The following RBL2 variants were observed in gnomAD, a reference collection of about 807,000 sequenced individuals.
RBL2 encodes the protein retinoblastoma-like protein 2.
RBL2 carries 56 observed loss-of-function variants against 126.0 expected under a neutral mutation model. The ratio of observed to expected loss-of-function variants is 0.44; its 90% CI spans 0.36 to 0.56. The LOEUF is 0.56. Ranked by LOEUF, RBL2 falls within the 20% of genes least tolerant of loss-of-function variation. RBL2 has a pLI of 0.00. For synonymous variants in RBL2, 454 were observed against 478.5 expected (o/e 0.95, Z 0.67); for missense variants, 1,229 against 1,398.2 (o/e 0.88, Z 1.93).
chr16:53,449,958 C>CTT (rs764078451), intron 4 of RBL2, among the ~76,000 whole-genome samples: 1,268 of 109,670 alleles, frequency 0.012, 42 homozygotes, highest in Middle Eastern at 0.027. Context: ...ACAGTACTGC[C>CTT]TTTTTTTTTT....
Position 53,470,191 on chromosome 16 carries a change from G to C in RBL2, c.2245+6G>C. 6.3e-7 allele frequency: 1 copy of C among 1,598,376 alleles called. No homozygotes were observed. Among genetic ancestry groups the C allele is most frequent in the Non-Finnish European group, 8.6e-7 (1 of 1,168,954 alleles). Reference sequence around the variant, plus strand: ...GGTAACCATTCCTGTGCAAGGTAAGGAAGGCAGAGTTGGATATTGAGTTCC... The same window carrying C: ...GGTAACCATTCCTGTGCAAGGTAAGCAAGGCAGAGTTGGATATTGAGTTCC... On this transcript the variant is annotated splice_donor_region_variant and intron_variant, in intron 15 of 21. Transcript: ENST00000262133.
At position 53,462,617 on chromosome 16, in the gene RBL2, G is replaced by C. The variant is rs1284246069; in HGVS notation, c.1522G>C (p.Glu508Gln). 1 of 1,572,302 alleles carries C rather than the reference G, an allele frequency of 6.4e-7. No homozygotes were observed. The highest frequency in any genetic ancestry group is 1.4e-5 in the African/African-American group (1 of 71,612). ...CTATAAAGTATTAGAATCTGTTATTGAGCAGGAACAAAAAAGACTAGGAGA... is the reference window on the plus strand; with the variant it reads ...CTATAAAGTATTAGAATCTGTTATTCAGCAGGAACAAAAAAGACTAGGAGA... ...LYYKVLESVI[E>Q]QEQKRLGDMD... The change falls in exon 11 of 22, where the codon GAG becomes CAG. Residue 508 changes from glutamate (E) to glutamine (Q), a missense_variant. This residue lies in a region of RBL2 where 1,070 missense variants were observed against 1,274.3 expected (regional missense o/e 0.84). Transcript: ENST00000262133.
intron 21 of RBL2, among the ~76,000 whole-genome samples, chr16:53,487,276 G>T (rs189582009): frequency 7.9e-5 from 12 of 152,328 alleles, no homozygotes; most frequent in African/African-American, 2.6e-4. Context: ...CACTAATTAT[G>T]AAGGTACACA....
In RBL2 at chr16:53,437,907, G is replaced by A. The variant is rs139901942; in HGVS notation, c.241-1109G>A. On this transcript the variant is annotated intron_variant, in intron 1 of 21. Transcript: ENST00000262133. The stretch of plus-strand genomic sequence containing the variant: ...CTGAGCGTGGTGGTGGGCACCTGTA[G>A]TCCCAGCTACTCAGGAGGCTGAGGC... Among the ~76,000 whole-genome samples the A allele has an allele frequency of 3.0e-4, 46 of 151,992 alleles. No individual in the cohort carries two copies. The East Asian group carries it at 8.9e-3, about 29-fold the overall frequency.
In RBL2 at chr16:53,461,734, T is replaced by A. The variant is rs747533449; in HGVS notation, c.1347-7T>A. 2.2e-5 allele frequency: 35 copies of A among 1,569,800 alleles called. No homozygotes were observed. The highest frequency in any genetic ancestry group is 3.0e-5 in the Non-Finnish European group (35 of 1,160,356). ...TAAATTATGTTATTTCTCATTACCT[T>A]TTTTAGGACATGTTCCAGAGATCCA... is the stretch of plus-strand genomic sequence containing the variant. On this transcript the variant is annotated splice_polypyrimidine_tract_variant and splice_region_variant and intron_variant, in intron 9 of 21. Coordinates refer to ENST00000262133, the MANE Select transcript of RBL2 (RefSeq NM_005611.4).
At chr16:53,438,843 C>CAAAAAA (rs11302382) in intron 1 of RBL2, among the ~76,000 whole-genome samples, 173 bp from the exon 2 acceptor site, 2 of 30,532 alleles carry the variant, frequency 6.6e-5, no homozygotes, top group Non-Finnish European at 6.5e-5. Context: ...GATTCCATCT[C>CAAAAAA]AAAAAAAAAA....
At chr16:53,487,063 G>C (rs1008816869) in intron 21 of RBL2, among the ~76,000 whole-genome samples, 3 of 152,156 alleles carry the variant, frequency 2.0e-5, no homozygotes, top group African/African-American at 7.2e-5. Context: ...ATACAGAAAT[G>C]TGTTCATGAC....
rs985781873 is a variant in RBL2, at chr16:53,434,534, G to A, written c.-23G>A. ...GGCCCGGGCCCTCACCTCACCTGAG[G>A]TCCGGCCGCCCAGGGGTGCGCTATG... is the stretch of plus-strand genomic sequence containing the variant. On this transcript the variant is annotated 5_prime_UTR_variant, in exon 1 of 22. Coordinates refer to ENST00000262133, the MANE Select transcript of RBL2 (RefSeq NM_005611.4). The A allele has an allele frequency of 2.1e-6, 3 of 1,431,832 alleles. No homozygotes were observed. The highest frequency in any genetic ancestry group is 1.4e-5 in the South Asian group (1 of 68,988). 88.7% of individuals were successfully genotyped at this position (1,431,832 alleles called of 1,614,324 possible).
rs2057991755 is a variant in RBL2, at chr16:53,439,319, A to T, written c.371+173A>T. ...TTTTCCTTTCTTTATATCACAGTTAATATCCATTATATTTTACTTCTTTGG... is the reference window on the plus strand; with the variant it reads ...TTTTCCTTTCTTTATATCACAGTTATTATCCATTATATTTTACTTCTTTGG... On this transcript the variant is annotated intron_variant, in intron 2 of 21. Coordinates refer to ENST00000262133, the MANE Select transcript of RBL2 (RefSeq NM_005611.4). Among the ~76,000 whole-genome samples, 3 of 152,184 alleles carry T rather than the reference A, an allele frequency of 2.0e-5. No homozygotes were observed. The South Asian group carries it at 6.2e-4, about 31-fold the overall frequency.
chr16:53,439,954 C>CAAAAAAAAAAA (rs10591959), intron 2 of RBL2, among the ~76,000 whole-genome samples: 29 of 91,938 alleles, frequency 3.2e-4, no homozygotes, highest in African/African-American at 1.0e-3. Flanking sequence ...ACCTTGTCTC[C>CAAAAAAAAAAA]AAAAAAAAAA....
intron 7 of RBL2, 66 bp downstream of exon 7, chr16:53,453,835 G>T (rs951050002): frequency 6.4e-5 from 88 of 1,369,240 alleles, no homozygotes; most frequent in Non-Finnish European, 8.3e-5. Flanking sequence ...TCAGAAGTTA[G>T]TGTTTTTATT....
At chr16:53,487,243 A>G (rs186360238) in intron 21 of RBL2, among the ~76,000 whole-genome samples, 128 of 152,384 alleles carry the variant, frequency 8.4e-4, no homozygotes, top group Non-Finnish European at 1.3e-3. Context: ...AATAGCTAAA[A>G]TAATTCAAAG....
chr16:53,480,068 G>A, intron 19 of RBL2, 77 bp downstream of exon 19: 2 of 907,094 alleles, frequency 2.2e-6, no homozygotes, highest in South Asian at 3.2e-5. Context: ...AAGTAACTAA[G>A]CATTACTAAA....
Position 53,479,971 on chromosome 16 carries a change from C to T in RBL2, c.2861C>T (p.Thr954Ile), listed in dbSNP as rs945458749. ...AGCAGAAGCCATCAGAATTCTCCAA[C>T]AGAACTAAACAAAGATAGAAGTAAG... ...SDSRSHQNSP[T>I]ELNKDRTSRD... The change falls in exon 19 of 22, where the codon ACA becomes ATA. Residue 954 changes from threonine to isoleucine, a missense_variant. This residue lies in a region of RBL2 where 1,070 missense variants were observed against 1,274.3 expected (regional missense o/e 0.84). Transcript: ENST00000262133. The T allele has an allele frequency of 6.2e-7, 1 of 1,601,688 alleles. No individual in the cohort carries two copies. The highest frequency in any genetic ancestry group is 1.7e-5 in the Admixed American group (1 of 58,334).
intron 3 of RBL2, 50 bp downstream of exon 3, chr16:53,442,908 G>GC: frequency 1.1e-5 from 14 of 1,314,996 alleles, no homozygotes; most frequent in South Asian, 6.2e-5. Flanking sequence ...CTGTGCTGCA[G>GC]TGTTGATATT....
rs773997485 is a variant in RBL2 at position 53,480,651 on chromosome 16, G to A, written c.2966G>A (p.Arg989His). 11 of 1,613,798 alleles carry A rather than the reference G, an allele frequency of 6.8e-6. No homozygotes were observed. The highest frequency in any genetic ancestry group is 3.3e-5 in the South Asian group (3 of 91,088). ...AGCAGTGCTCCTCCCACACCTACTC[G>A]CCTCACAGGTGCCAACAGTGACATG... Reference protein sequence around the residue: ...QPSSAPPTPTRLTGANSDMEE... With the variant: ...QPSSAPPTPTHLTGANSDMEE... Residue 989 changes from arginine (R) to histidine (H), a missense_variant, in exon 20 of 22, where the codon CGC (arginine) becomes CAC (histidine). Arg to His is a conservative substitution (Grantham distance 29, BLOSUM62 0). Coordinates refer to ENST00000262133, the MANE Select transcript of RBL2 (RefSeq NM_005611.4).
intron 1 of RBL2, among the ~76,000 whole-genome samples, chr16:53,436,742 G>C (rs1287502425): frequency 6.6e-6 from 1 of 152,204 alleles, no homozygotes; most frequent in Non-Finnish European, 1.5e-5. Context: ...TGCAGCCTCT[G>C]AGACTGTTAA....
chr16:53,475,835 C>CT (rs10540773), intron 17 of RBL2, among the ~76,000 whole-genome samples: 3,504 of 76,452 alleles, frequency 0.046, 833 homozygotes, highest in African/African-American at 0.15. Flanking sequence ...ATTTCAATAT[C>CT]TTTTTTTTTT....
At chr16:53,485,039 A>G (rs1961109610) in intron 21 of RBL2, among the ~76,000 whole-genome samples, 1 of 152,056 alleles carries the variant, frequency 6.6e-6, no homozygotes, top group African/African-American at 2.4e-5. Flanking sequence ...AGATTTCAAC[A>G]TAATTGGTAC....
Sources: allele counts gnomAD v4.1 joint callset (sites outside exome capture counted in the v4.1 genomes callset), GRCh38; gene constraint gnomAD v4.1.1; regional missense constraint gnomAD v4.1.1; transcripts MANE v1.5; gene names NCBI Gene and HGNC (gene_info 2026-07-23, HGNC 2026-07-21).